Variants in EMP1 observed in about 807,000 individuals in gnomAD.
EMP1 encodes the protein tumor-associated membrane protein.
In EMP1, 5 loss-of-function variants were observed where a neutral mutation model predicts 15.7. The observed-to-expected ratio is 0.32, with a 90% CI of 0.17 to 0.67. The LOEUF (loss-of-function observed/expected upper bound fraction) is 0.67, where lower values mean the gene tolerates loss of function less well. Among genes scored for constraint, EMP1 ranks in the 30% least tolerant of loss-of-function variants. The pLI is 0.74. For synonymous variants in EMP1, 78 were observed against 76.7 expected, an observed-to-expected ratio of 1.02 and a Z score of -0.09; for missense variants, 166 against 194.2, an observed-to-expected ratio of 0.85 and a Z score of 0.86.
rs751139207 is a variant in EMP1 at position 13,213,722 on chromosome 12, A to G, written c.217A>G (p.Ile73Val). The change falls in exon 4 of 5, where the codon ATC (isoleucine) becomes GTC (valine). Residue 73 changes from isoleucine to valine, a missense_variant. Physicochemically the swap from Ile to Val is conservative, Grantham distance 29. Coordinates refer to ENST00000256951, the MANE Select transcript of EMP1 (RefSeq NM_001423.3). ...TVQAFMILSI[I>V]FCVIALLVFV... is the part of the protein sequence containing the mutation. ...GCAGGCCTTCATGATTCTCTCTATCATCTTCTGTGTCATTGCCCTCCTGGT... is the reference window on the plus strand; with the variant it reads ...GCAGGCCTTCATGATTCTCTCTATCGTCTTCTGTGTCATTGCCCTCCTGGT... 4 of 1,613,994 alleles carry G rather than the reference A, an allele frequency of 2.5e-6. No individual in the cohort carries two copies. Among genetic ancestry groups the G allele is most frequent in the East Asian group, 2.2e-5 (1 of 44,898 alleles).
chr12:13,210,198 G>A (rs556817604), intron 1 of EMP1, among the ~76,000 whole-genome samples: 1 of 152,318 alleles, frequency 6.6e-6, no homozygotes, highest in South Asian at 2.1e-4. Context: ...AGTGCCTCAA[G>A]CACATTCAAA....
At chr12:13,200,477 T>C (rs1424838904) in intron 1 of EMP1, among the ~76,000 whole-genome samples, 1 of 152,218 alleles carries the variant, frequency 6.6e-6, no homozygotes, top group Non-Finnish European at 1.5e-5. Flanking sequence ...AAGCTTCCCT[T>C]TTCTAATACT....
intron 1 of EMP1, among the ~76,000 whole-genome samples, chr12:13,207,639 T>A (rs1242500539): frequency 2.6e-5 from 4 of 152,150 alleles, no homozygotes; most frequent in Non-Finnish European, 5.9e-5. Context: ...TTAATAATAC[T>A]TCTCTCCAGA....
intron 1 of EMP1, chr12:13,209,096 C>G (rs898644287): frequency 2.0e-5 from 3 of 152,240 alleles, no homozygotes; most frequent in Admixed American, 6.5e-5. Context: ...ATTGGCCCCT[C>G]CAGCCCTTCC....
chr12:13,200,983 A>T (rs1864060246), intron 1 of EMP1, among the ~76,000 whole-genome samples: 1 of 152,198 alleles, frequency 6.6e-6, no homozygotes, highest in African/African-American at 2.4e-5. Flanking sequence ...AGAATCCTGG[A>T]GCAGATGTAA....
chr12:13,214,001 T>C (rs1047629512), intron 4 of EMP1, 180 bp downstream of exon 4: 2 of 917,272 alleles, frequency 2.2e-6, no homozygotes, highest in African/African-American at 3.3e-5. Context: ...AGAACCCTCA[T>C]CTGCTTCATT....
At chr12:13,201,431 C>A (rs189018322) in intron 1 of EMP1, among the ~76,000 whole-genome samples, 353 of 152,040 alleles carry the variant, frequency 2.3e-3, no homozygotes, top group African/African-American at 8.0e-3. Flanking sequence ...ACAAAACAAA[C>A]CAACAAACAA....
chr12:13,203,953 ACTCTGTG>A (rs1864088205), intron 1 of EMP1, among the ~76,000 whole-genome samples: 1 of 151,980 alleles, frequency 6.6e-6, no homozygotes, highest in Non-Finnish European at 1.5e-5. Flanking sequence ...ACTATGTGAG[ACTCTGTG>A]CTAGTCTACA....
At chr12:13,201,721 G>T (rs1344749678) in intron 1 of EMP1, among the ~76,000 whole-genome samples, 1 of 152,096 alleles carries the variant, frequency 6.6e-6, no homozygotes, top group Admixed American at 6.5e-5. Flanking sequence ...TCGGCACTAG[G>T]AATAAAAGAA....
At position 13,211,729 on chromosome 12, in the gene EMP1, C is replaced by G. The variant is rs553657382; in HGVS notation, c.78+141C>G. ...TGTGGGAAAACAAAATAAACACACG[C>G]TTGCCCTTCAAACAATTAAATAACA... On this transcript the variant is annotated intron_variant, in intron 2 of 4. Transcript: ENST00000256951. The surrounding 1 kb of genome is among the most constrained non-coding windows in gnomAD (Gnocchi z 4.7). 30 of 842,702 alleles carry G rather than the reference C, an allele frequency of 3.6e-5. No individual in the cohort carries two copies. In the African/African-American group the frequency reaches 4.7e-4, roughly 13 times the overall value. The allele number at this position is 842,702 out of a possible 1,614,324, so 52.2% of individuals were successfully genotyped here. A position where few individuals can be genotyped will look rare whatever the true frequency, so the allele number is the denominator to read the frequency against.
At position 13,211,506 on chromosome 12, in the gene EMP1, C is replaced by A. The variant is rs759797796; in HGVS notation, c.-5C>A. On this transcript the variant is annotated 5_prime_UTR_variant, in exon 2 of 5. Transcript: ENST00000256951. This position sits in a 1 kb window ranked among gnomAD's most constrained non-coding sequence, Gnocchi z 4.7. ...TCACAAGTTACCAAAAAAAAAAGAG[C>A]CAACATGTTGGTATTGCTGGCTGGT... The A allele has an allele frequency of 2.5e-6, 4 of 1,610,746 alleles. No homozygotes were observed. Among genetic ancestry groups the A allele is most frequent in the South Asian group, 1.1e-5 (1 of 89,708 alleles).
Position 13,211,778 on chromosome 12 carries a change from A to T in EMP1, c.78+190A>T. On this transcript the variant is annotated intron_variant, in intron 2 of 4. Transcript: ENST00000256951. This position sits in a 1 kb window ranked among gnomAD's most constrained non-coding sequence, Gnocchi z 4.7. ...CAGGAGGATAAAAGTGAATGTCCAC[A>T]GGAGTAATCCTGCCAGAGCTGTAGG... is the stretch of plus-strand genomic sequence containing the variant. 1 of 631,510 alleles carries T rather than the reference A, an allele frequency of 1.6e-6. No homozygotes were observed. Among genetic ancestry groups the T allele is most frequent in the South Asian group, 2.0e-5 (1 of 50,800 alleles). 39.1% of individuals were successfully genotyped at this position (631,510 alleles called of 1,614,324 possible).
Position 13,207,302 on chromosome 12 carries a change from T to A in EMP1, c.-42-4167T>A, listed in dbSNP as rs1034735791. ...AATTTCTTGTATTTTTAATTGATACTAGGTTTCACCACGTTAGCCAGGATG... is the reference window on the plus strand; with the variant it reads ...AATTTCTTGTATTTTTAATTGATACAAGGTTTCACCACGTTAGCCAGGATG... On this transcript the variant is annotated intron_variant, in intron 1 of 4. Transcript: ENST00000256951. Among the ~76,000 whole-genome samples, 14 of 152,230 alleles carry A rather than the reference T, an allele frequency of 9.2e-5. No individual in the cohort carries two copies. In the East Asian group the frequency reaches 2.7e-3, roughly 29 times the overall value.
rs540448871 is a variant in EMP1 at position 13,216,799 on chromosome 12, A to G, written c.*2108A>G. ...ATTGTGTGAATGTTTTTTTCTAAAA[A>G]AAATGTGGAGAAATATGGATAATTA... On this transcript the variant is annotated 3_prime_UTR_variant, in exon 5 of 5. Coordinates refer to ENST00000256951, the MANE Select transcript of EMP1 (RefSeq NM_001423.3). 4.7e-6 allele frequency: 1 copy of G among 212,764 alleles called. No individual in the cohort carries two copies. Among genetic ancestry groups the G allele is most frequent in the Non-Finnish European group, 9.3e-6 (1 of 107,752 alleles). 13.2% of individuals were successfully genotyped at this position (212,764 alleles called of 1,614,324 possible). A position where few individuals can be genotyped will look rare whatever the true frequency, so the allele number is the denominator to read the frequency against.
rs1436605479 is a variant in EMP1 at position 13,216,825 on chromosome 12, T to C, written c.*2134T>C. ...AAATGTGGAGAAATATGGATAATTA[T>C]GACATTTATCCCTCATTAAGCTGCC... On this transcript the variant is annotated 3_prime_UTR_variant, in exon 5 of 5. Coordinates refer to ENST00000256951, the MANE Select transcript of EMP1 (RefSeq NM_001423.3). 1 of 190,574 alleles carries C rather than the reference T, an allele frequency of 5.2e-6. No homozygotes were observed. Among genetic ancestry groups the C allele is most frequent in the African/African-American group, 2.3e-5 (1 of 42,746 alleles). 11.8% of individuals were successfully genotyped at this position (190,574 alleles called of 1,614,324 possible).
chr12:13,210,958 G>T (rs1400890515), intron 1 of EMP1, among the ~76,000 whole-genome samples: 1 of 152,162 alleles, frequency 6.6e-6, no homozygotes, highest in Non-Finnish European at 1.5e-5. Flanking sequence ...CAGTATATGG[G>T]CATTGAGTAA....
At chr12:13,204,274 T>A (rs2121148929) in intron 1 of EMP1, among the ~76,000 whole-genome samples, 1 of 152,122 alleles carries the variant, frequency 6.6e-6, no homozygotes, top group Admixed American at 6.5e-5. Context: ...TTCCCACCCC[T>A]GCATAAACAC....
At chr12:13,199,944 T>C (rs970700622) in intron 1 of EMP1, among the ~76,000 whole-genome samples, 8 of 145,460 alleles carry the variant, frequency 5.5e-5, no homozygotes, top group African/African-American at 2.0e-4. Flanking sequence ...GCATTATCTT[T>C]TCTTCTTCTT....
Position 13,213,552 on chromosome 12 carries a change from A to G in EMP1, c.152A>G (p.Asp51Gly). 1.2e-6 allele frequency: 2 copies of G among 1,614,234 alleles called. No homozygotes were observed. The highest frequency in any genetic ancestry group is 1.3e-5 in the African/African-American group (1 of 75,058). ...AACTGTACCAACATTAGCTGCAGTGACAGCCTGTCATATGCCAGTGAAGGT... is the reference window on the plus strand; with the variant it reads ...AACTGTACCAACATTAGCTGCAGTGGCAGCCTGTCATATGCCAGTGAAGGT... ...WKNCTNISCS[D>G]SLSYASEDAL... The change falls in exon 3 of 5, where the codon GAC (aspartate) becomes GGC (glycine). Residue 51 changes from aspartate (D) to glycine (G), a missense_variant. Coordinates refer to ENST00000256951, the MANE Select transcript of EMP1 (RefSeq NM_001423.3).
Sources: gnomAD v4.1 joint callset for allele counts (sites outside exome capture counted in the v4.1 genomes callset) on GRCh38, gnomAD v4.1.1 for gene constraint, Gnocchi (gnomAD v3.1) non-coding constraint, MANE v1.5 for transcripts, NCBI Gene and HGNC (gene_info 2026-07-23, HGNC 2026-07-21) for gene names.